Variants in PDLIM1 observed in about 807,000 individuals in gnomAD.
The protein encoded by PDLIM1 is PDZ and LIM domain 1.
In PDLIM1, 25 loss-of-function variants were observed where a neutral mutation model predicts 35.2. The observed-to-expected ratio is 0.71, with a 90% CI of 0.52 to 0.99. PDLIM1 has a LOEUF of 0.99. Among genes scored for constraint, PDLIM1 ranks in the 50% least tolerant of loss-of-function variants. The pLI, the probability that PDLIM1 is intolerant of heterozygous loss-of-function variation, is 0.00. For synonymous variants in PDLIM1, 152 were observed against 154.0 expected, an observed-to-expected ratio of 0.99 and a Z score of 0.10; for missense variants, 363 against 415.3, an observed-to-expected ratio of 0.87 and a Z score of 1.09.
chr10:95,239,141 G>A (rs2035152643), intron 5 of PDLIM1, among the ~76,000 whole-genome samples: 1 of 152,156 alleles, frequency 6.6e-6, no homozygotes, highest in African/African-American at 2.4e-5. Flanking sequence ...GACCTGGCTA[G>A]CCATATGCAG....
At chr10:95,282,267 CTTTAG>C (rs1230047086) in intron 1 of PDLIM1, among the ~76,000 whole-genome samples, 1 of 152,212 alleles carries the variant, frequency 6.6e-6, no homozygotes, top group Non-Finnish European at 1.5e-5. Context: ...TTTGAACTCT[CTTTAG>C]TCAGAATCTT....
intron 3 of PDLIM1, among the ~76,000 whole-genome samples, chr10:95,267,302 T>C (rs1223431830): frequency 3.9e-5 from 6 of 152,210 alleles, no homozygotes; most frequent in Admixed American, 2.6e-4. Flanking sequence ...GGATTTCAGA[T>C]AGACCAAGTT....
At chr10:95,256,742 C>T (rs2035313385) in intron 4 of PDLIM1, among the ~76,000 whole-genome samples, 1 of 151,618 alleles carries the variant, frequency 6.6e-6, no homozygotes, top group African/African-American at 2.4e-5. Flanking sequence ...GAGGCTGAGG[C>T]AGGCAGATCA....
intron 1 of PDLIM1, among the ~76,000 whole-genome samples, chr10:95,274,783 A>T (rs1164753761): frequency 6.6e-6 from 1 of 152,202 alleles, no homozygotes; most frequent in Non-Finnish European, 1.5e-5. Context: ...GAAAATTATG[A>T]CAGTTAAAGA....
At chr10:95,266,753 T>C (rs1481248891) in intron 3 of PDLIM1, among the ~76,000 whole-genome samples, 2 of 152,248 alleles carry the variant, frequency 1.3e-5, no homozygotes, top group Non-Finnish European at 2.9e-5. Flanking sequence ...CTAAAGAATC[T>C]TTCAAGAATG....
intron 1 of PDLIM1, among the ~76,000 whole-genome samples, chr10:95,278,392 G>A (rs1018397919): frequency 6.6e-6 from 1 of 152,172 alleles, no homozygotes; most frequent in African/African-American, 2.4e-5. Flanking sequence ...ACCACACAAG[G>A]CACTGGAACT....
chr10:95,288,038 G>A (rs1406658895), intron 1 of PDLIM1, among the ~76,000 whole-genome samples: 2 of 152,130 alleles, frequency 1.3e-5, no homozygotes, highest in Admixed American at 6.5e-5. Context: ...GATTACCATA[G>A]GTCAGGATAG....
intron 2 of PDLIM1, 140 bp downstream of exon 2, chr10:95,271,493 C>A: frequency 1.8e-6 from 1 of 554,722 alleles, no homozygotes; most frequent in Non-Finnish European, 3.0e-6. Flanking sequence ...TCAAATTCCA[C>A]AGACCTTTTG....
At chr10:95,286,421 T>G (rs1480747132) in intron 1 of PDLIM1, among the ~76,000 whole-genome samples, 1 of 152,166 alleles carries the variant, frequency 6.6e-6, no homozygotes, top group Non-Finnish European at 1.5e-5. Flanking sequence ...TTGCTTATTA[T>G]TTTATTTTAT....
At chr10:95,276,709 C>T (rs1041923992) in intron 1 of PDLIM1, among the ~76,000 whole-genome samples, 20 of 152,028 alleles carry the variant, frequency 1.3e-4, no homozygotes, top group African/African-American at 4.8e-4. Context: ...TGCATCATTA[C>T]AGATGAGGAA....
At position 95,271,768 on chromosome 10, in the gene PDLIM1, T is replaced by A; in HGVS notation, c.113A>T (p.Lys38Met). Residue 38 changes from lysine (K) to methionine (M), a missense_variant, in exon 2 of 7, where the codon AAG becomes ATG. Lys to Met is a moderately conservative substitution (Grantham distance 95, BLOSUM62 -1). Transcript: ENST00000329399. ...AATACATAAATTAGCTAGAGCCGCCTTGCTTCCAGGAGTGACCTAGAAAAA... is the reference window on the plus strand; with the variant it reads ...AATACATAAATTAGCTAGAGCCGCCATGCTTCCAGGAGTGACCTAGAAAAA... ...LAISRVTPGSKAALANLCIGD... is the reference protein window; with the variant it reads ...LAISRVTPGSMAALANLCIGD... 6.2e-7 allele frequency: 1 copy of A among 1,611,928 alleles called. No homozygotes were observed. Among genetic ancestry groups the A allele is most frequent in the Non-Finnish European group, 8.5e-7 (1 of 1,179,374 alleles).
chr10:95,242,447 A>C, intron 5 of PDLIM1, among the ~76,000 whole-genome samples: 1 of 151,952 alleles, frequency 6.6e-6, no homozygotes, highest in East Asian at 1.9e-4. Context: ...AGCACTTTGG[A>C]AGACCAAGGC....
At chr10:95,275,457 T>C (rs185067779) in intron 1 of PDLIM1, among the ~76,000 whole-genome samples, 64 of 152,352 alleles carry the variant, frequency 4.2e-4, no homozygotes, top group African/African-American at 6.7e-4. Context: ...AACTGGAACA[T>C]AGTAGGTGCT....
chr10:95,273,080 A>G (rs2035478594), intron 1 of PDLIM1: 1 of 152,200 alleles, frequency 6.6e-6, no homozygotes, highest in Non-Finnish European at 1.5e-5. Context: ...TAGATTTTCT[A>G]AACTAAGGTA....
At chr10:95,266,298 A>G (rs1468843341) in intron 3 of PDLIM1, among the ~76,000 whole-genome samples, 1 of 152,234 alleles carries the variant, frequency 6.6e-6, no homozygotes, top group Non-Finnish European at 1.5e-5. Context: ...CAGCTACCCA[A>G]ATAAATAATA....
At chr10:95,264,378 A>G (rs558139111) in intron 3 of PDLIM1, among the ~76,000 whole-genome samples, 2 of 152,244 alleles carry the variant, frequency 1.3e-5, no homozygotes, top group Non-Finnish European at 2.9e-5. Context: ...TTTGGGCTGT[A>G]AGATTCAAGT....
intron 1 of PDLIM1, among the ~76,000 whole-genome samples, chr10:95,278,903 C>G (rs1180112074): frequency 6.6e-6 from 1 of 152,190 alleles, no homozygotes; most frequent in African/African-American, 2.4e-5. Context: ...GGCTGGCTTT[C>G]CCTAGCAGGT....
chr10:95,270,439 A>C (rs2035454751), intron 2 of PDLIM1, among the ~76,000 whole-genome samples: 1 of 152,200 alleles, frequency 6.6e-6, no homozygotes, highest in Non-Finnish European at 1.5e-5. Flanking sequence ...ACAGGTGATC[A>C]GAATGAAACA....
In PDLIM1 at chr10:95,237,801, A is replaced by G; in HGVS notation, c.*124T>C. 1.3e-6 allele frequency: 1 copy of G among 747,270 alleles called. No homozygotes were observed. Among genetic ancestry groups the G allele is most frequent in the Non-Finnish European group, 2.2e-6 (1 of 458,568 alleles). The allele number at this position is 747,270 out of a possible 1,614,324, so 46.3% of individuals were successfully genotyped here. ...TTAACCAAGGCAGGGAGGGGACTCA[A>G]TGTTTTACAAGCAGAGGGAAAACCA... On this transcript the variant is annotated 3_prime_UTR_variant, in exon 7 of 7. Coordinates refer to ENST00000329399, the MANE Select transcript of PDLIM1 (RefSeq NM_020992.4).
Sources: allele counts gnomAD v4.1 joint callset (sites outside exome capture counted in the v4.1 genomes callset), GRCh38; gene constraint gnomAD v4.1.1; transcripts MANE v1.5; gene names NCBI Gene and HGNC (gene_info 2026-07-23, HGNC 2026-07-21).